TLE2: variants seen among roughly 807,000 people sequenced by gnomAD.
TLE2 encodes TLE family member 2, transcriptional corepressor.
A neutral mutation model predicts 97.2 loss-of-function variants in TLE2; 74 were observed. The observed-to-expected ratio is 0.76, with a 90% CI of 0.63 to 0.92. The LOEUF (loss-of-function observed/expected upper bound fraction) is 0.92. Among genes scored for constraint, TLE2 ranks in the 40% least tolerant of loss-of-function variants. The pLI, the probability that TLE2 is intolerant of heterozygous loss-of-function variation, is 0.00. For missense variants in TLE2, 1,038 were observed against 1,008.7 expected, an observed-to-expected ratio of 1.03 and a Z score of -0.39; for synonymous variants, 499 against 432.1, an observed-to-expected ratio of 1.15 and a Z score of -1.92.
At chr19:3,046,544 C>A (rs1024184878), upstream of TLE2, among the ~76,000 whole-genome samples, 1 of 152,000 alleles carries the variant, frequency 6.6e-6, no homozygotes, top group African/African-American at 2.4e-5. Flanking sequence ...GATTTCAGAC[C>A]CCGGAGTCCC....
chr19:3,044,568 C>T (rs557060046), intron 1 of TLE2, among the ~76,000 whole-genome samples: 5 of 152,256 alleles, frequency 3.3e-5, no homozygotes, highest in South Asian at 2.1e-4. Flanking sequence ...TACAGGTGTG[C>T]GCCACCACGC....
intron 1 of TLE2, among the ~76,000 whole-genome samples, chr19:3,041,013 ATTTTTTTTTTTTTTTTTT>A (rs1168699418): frequency 3.5e-5 from 1 of 28,968 alleles, no homozygotes; most frequent in Non-Finnish European, 5.7e-5. Flanking sequence ...ATATATATAT[ATTTTTTTTTTTTTTTTTT>A]TTTTTTTTTT....
intron 4 of TLE2, chr19:3,025,636 G>A (rs994197826): frequency 1.4e-5 from 14 of 985,370 alleles, no homozygotes; most frequent in Middle Eastern, 1.0e-3. Context: ...CTGGGCCCAG[G>A]TGCCCCAAAG....
At chr19:3,011,444 A>G (rs976535795) in intron 11 of TLE2, among the ~76,000 whole-genome samples, 4 of 149,532 alleles carry the variant, frequency 2.7e-5, no homozygotes, top group African/African-American at 9.8e-5. Context: ...AGGCAGGAGA[A>G]TGGCATGAAC....
At chr19:3,000,096 G>C (rs754743326) in intron 19 of TLE2, among the ~76,000 whole-genome samples, 1 of 151,170 alleles carries the variant, frequency 6.6e-6, no homozygotes, top group African/African-American at 2.4e-5. Context: ...TTTTGAGGCA[G>C]AGCCTCACTC....
At chr19:3,038,053 C>T (rs537255286) in intron 1 of TLE2, among the ~76,000 whole-genome samples, 50 of 151,938 alleles carry the variant, frequency 3.3e-4, no homozygotes, top group Non-Finnish European at 5.9e-4. Context: ...ACCCAGAAGG[C>T]GGAGGTTGCA....
chr19:3,013,673 A>T lies in TLE2; in HGVS notation c.869T>A (p.Ile290Asn), dbSNP rs758237907. The T allele has an allele frequency of 7.2e-7, 1 of 1,389,364 alleles. No individual in the cohort carries two copies. Among genetic ancestry groups the T allele is most frequent in the South Asian group, 1.9e-5 (1 of 51,516 alleles). 86.1% of individuals were successfully genotyped at this position (1,389,364 alleles called of 1,614,324 possible). Residue 290 changes from isoleucine (I) to asparagine (N), a missense_variant, in exon 11 of 20, where the codon ATC becomes AAC. Coordinates refer to ENST00000262953, the MANE Select transcript of TLE2 (RefSeq NM_003260.5). ...GSPLPRAKELILNDLPASTPA... is the reference protein window; with the variant it reads ...GSPLPRAKELNLNDLPASTPA... ...AGGCCCTCCCCTCCTCCTTACCAGG[A>T]TGAGCTCCTTGGCTCTAGGCAGCGG...
At chr19:3,001,791 C>CTTTTTTTT (rs562875053) in intron 18 of TLE2, among the ~76,000 whole-genome samples, 3 of 111,416 alleles carry the variant, frequency 2.7e-5, no homozygotes, top group Admixed American at 1.0e-4. Flanking sequence ...TCTTTTCTTT[C>CTTTTTTTT]TTTTTTTTTT....
intron 7 of TLE2, among the ~76,000 whole-genome samples, chr19:3,018,424 C>G (rs1471003258): frequency 6.6e-6 from 1 of 151,768 alleles, no homozygotes; most frequent in Admixed American, 6.6e-5. Context: ...TCCCGAGTAG[C>G]TCAGATTACA....
chr19:3,046,169 T>C (rs1333378242), upstream of TLE2, among the ~76,000 whole-genome samples: 2 of 152,202 alleles, frequency 1.3e-5, no homozygotes, highest in African/African-American at 4.8e-5. Context: ...AGCAATGTTC[T>C]GATGTCCGTG....
chr19:3,025,700 G>T, intron 4 of TLE2: 1 of 758,674 alleles, frequency 1.3e-6, no homozygotes, highest in Non-Finnish European at 1.6e-6. Context: ...GCATACAATG[G>T]CCACGGACTT....
intron 1 of TLE2, among the ~76,000 whole-genome samples, chr19:3,040,661 G>C (rs1325022896): frequency 2.7e-5 from 4 of 148,162 alleles, no homozygotes; most frequent in Middle Eastern, 3.8e-3. Flanking sequence ...TTTTGTTATT[G>C]TTTTAAGACA....
intron 1 of TLE2, among the ~76,000 whole-genome samples, chr19:3,040,259 C>A (rs1216807238): frequency 6.6e-6 from 1 of 152,198 alleles, no homozygotes; most frequent in Non-Finnish European, 1.5e-5. Context: ...ACTCGCCCAG[C>A]CTGGTCCCCC....
chr19:3,000,583 G>A, intron 19 of TLE2, 64 bp downstream of exon 19: 2 of 1,470,674 alleles, frequency 1.4e-6, no homozygotes, highest in Non-Finnish European at 1.9e-6. Context: ...CAATCTCTCT[G>A]TCTGACCCTG....
At chr19:3,022,016 G>A (rs1555693344) in intron 5 of TLE2, among the ~76,000 whole-genome samples, 1 of 152,038 alleles carries the variant, frequency 6.6e-6, no homozygotes, top group East Asian at 2.0e-4. Context: ...GACCAGCCTG[G>A]GCAACATGGT....
intron 10 of TLE2, 57 bp from the exon 11 acceptor site, chr19:3,013,875 CTTCT>C: frequency 7.3e-7 from 1 of 1,365,764 alleles, no homozygotes; most frequent in Non-Finnish European, 9.5e-7. Flanking sequence ...AGAAGAGTCC[CTTCT>C]CTATCCTCCT....
chr19:3,043,900 C>T (rs1218789180), intron 1 of TLE2, among the ~76,000 whole-genome samples: 1 of 152,082 alleles, frequency 6.6e-6, no homozygotes, highest in Non-Finnish European at 1.5e-5. Flanking sequence ...AGGAGAATTG[C>T]TTGAACCCAG....
At chr19:3,009,174 A>G (rs1394678009) in intron 13 of TLE2, among the ~76,000 whole-genome samples, 1 of 152,116 alleles carries the variant, frequency 6.6e-6, no homozygotes, top group East Asian at 1.9e-4. Context: ...GGTTCCAAGG[A>G]TCCTGAAGGG....
rs375003469 is a variant in TLE2, at chr19:3,005,974, G to A, written c.1501-6C>T. 77 of 1,609,884 alleles carry A rather than the reference G, an allele frequency of 4.8e-5. No homozygotes were observed. The highest frequency in any genetic ancestry group is 5.9e-5 in the Non-Finnish European group (69 of 1,176,816). ...CGAATGTAGTTGTCTCGGTTCTGGGGTCGGGGAGAGAAGCAGGGGCTGGGG... is the reference window on the plus strand; with the variant it reads ...CGAATGTAGTTGTCTCGGTTCTGGGATCGGGGAGAGAAGCAGGGGCTGGGG... On this transcript the variant is annotated splice_polypyrimidine_tract_variant and splice_region_variant and intron_variant, in intron 15 of 19. Transcript: ENST00000262953.
Sources: gnomAD v4.1 joint callset for allele counts (sites outside exome capture counted in the v4.1 genomes callset) on GRCh38, gnomAD v4.1.1 for gene constraint, MANE v1.5 for transcripts, NCBI Gene and HGNC (gene_info 2026-07-23, HGNC 2026-07-21) for gene names.